The following NCOA2 variants were observed in gnomAD, a reference collection of about 807,000 sequenced individuals.
The protein encoded by NCOA2 is class E basic helix-loop-helix protein 75.
NCOA2 carries 21 observed loss-of-function variants against 145.1 expected under a neutral mutation model. That is an observed-to-expected ratio of 0.14 (90% confidence interval 0.10 to 0.21). The LOEUF is 0.21. Ranked by LOEUF, NCOA2 falls within the 10% of genes least tolerant of loss-of-function variation. NCOA2 has a pLI of 1.00. For missense variants in NCOA2, 1,472 were observed against 1,837.6 expected (o/e 0.80, Z 3.64); for synonymous variants, 619 against 637.5 (o/e 0.97, Z 0.44).
At chr8:70,409,985 G>A in the NCOA2 span, among the ~76,000 whole-genome samples, 37 of 152,118 alleles carry the variant, frequency 2.4e-4, no homozygotes, top group African/African-American at 7.7e-4. Context: ...CAAGACAGCC[G>A]GATCACCTGA....
intron 2 of NCOA2, among the ~76,000 whole-genome samples, chr8:70,278,601 G>A (rs754010622): frequency 4.0e-5 from 6 of 151,894 alleles, no homozygotes; most frequent in Non-Finnish European, 7.4e-5. Flanking sequence ...ACTTCCACAG[G>A]CTAAACCCGC....
chr8:70,213,816 G>A (rs1819305097), intron 4 of NCOA2, 87 bp downstream of exon 4: 1 of 1,077,870 alleles, frequency 9.3e-7, no homozygotes, highest in African/African-American at 1.6e-5. Flanking sequence ...CATAAGAAAT[G>A]GATTAAAGGG....
intron 1 of NCOA2, among the ~76,000 whole-genome samples, chr8:70,335,000 G>A (rs1329239273): frequency 6.6e-6 from 1 of 151,702 alleles, no homozygotes; most frequent in Non-Finnish European, 1.5e-5. Flanking sequence ...GTGCATGCCT[G>A]TAATCCCAGC....
intron 2 of NCOA2, among the ~76,000 whole-genome samples, chr8:70,269,768 T>C (rs568892921): frequency 2.4e-4 from 36 of 152,324 alleles, no homozygotes; most frequent in Admixed American, 4.6e-4. Flanking sequence ...TCAACCTAAA[T>C]TCATCAACAG....
intron 15 of NCOA2, 89 bp from the exon 16 acceptor site, chr8:70,132,091 T>G: frequency 7.4e-7 from 1 of 1,359,606 alleles, no homozygotes; most frequent in South Asian, 1.4e-5. Context: ...AAGTATCAAT[T>G]GACTTCCAGG....
At chr8:70,164,779 T>A (rs1813427883) in intron 7 of NCOA2, among the ~76,000 whole-genome samples, 1 of 151,786 alleles carries the variant, frequency 6.6e-6, no homozygotes, top group Non-Finnish European at 1.5e-5. Flanking sequence ...GCAATTATAG[T>A]CCTCAAGAAA....
intron 2 of NCOA2, among the ~76,000 whole-genome samples, chr8:70,226,703 T>C (rs564377632): frequency 2.7e-5 from 4 of 150,484 alleles, no homozygotes; most frequent in South Asian, 4.2e-4. Flanking sequence ...AAACTTAGGG[T>C]AAACTTATAT....
intron 1 of NCOA2, among the ~76,000 whole-genome samples, chr8:70,375,164 T>C (rs1269673903): frequency 6.6e-6 from 1 of 152,212 alleles, no homozygotes; most frequent in African/African-American, 2.4e-5. Flanking sequence ...TGTTTGGTTG[T>C]TTTATTATAA....
At chr8:70,330,387 T>C (rs1028918963) in intron 1 of NCOA2, among the ~76,000 whole-genome samples, 1 of 151,684 alleles carries the variant, frequency 6.6e-6, no homozygotes, top group Non-Finnish European at 1.5e-5. Context: ...CCAGGCAACA[T>C]AGAGAGGCTC....
intron 2 of NCOA2, among the ~76,000 whole-genome samples, chr8:70,226,365 A>G (rs1287672904): frequency 6.6e-6 from 1 of 152,044 alleles, no homozygotes; most frequent in East Asian, 1.9e-4. Flanking sequence ...TAGGCAAACC[A>G]AACGGAATTT....
rs991010297 is a variant in NCOA2, at chr8:70,128,900, C to A, written c.3405G>T (p.Gln1135His). 1 of 1,613,658 alleles carries A rather than the reference C, an allele frequency of 6.2e-7. No homozygotes were observed. Among genetic ancestry groups the A allele is most frequent in the Admixed American group, 1.7e-5 (1 of 59,980 alleles). The stretch of plus-strand genomic sequence containing the variant: ...CCATTTGTGCCTGAGATGCATACTG[C>A]TGTGGGAAAACGGGCGCCTTCTGCT... Reference protein sequence around the residue: ...MLEQKAPVFPQQYASQAQMAQ... With the variant: ...MLEQKAPVFPHQYASQAQMAQ... Residue 1135 changes from glutamine (Q) to histidine (H), a missense_variant, in exon 17 of 23, where the codon CAG becomes CAT. Coordinates refer to ENST00000452400, the MANE Select transcript of NCOA2 (RefSeq NM_006540.4).
intron 18 of NCOA2, among the ~76,000 whole-genome samples, chr8:70,127,543 C>T (rs998605): frequency 7.9e-5 from 12 of 152,040 alleles, no homozygotes; most frequent in African/African-American, 1.2e-4. Flanking sequence ...GCACAGAGAC[C>T]GAGTCAGAGG....
chr8:70,319,913 T>C (rs925440202), intron 1 of NCOA2, among the ~76,000 whole-genome samples: 1 of 152,168 alleles, frequency 6.6e-6, no homozygotes. Context: ...CAAGTTTAAG[T>C]TATTGGTTTC....
chr8:70,161,667 TG>T (rs1453168855), intron 9 of NCOA2, among the ~76,000 whole-genome samples: 1 of 152,184 alleles, frequency 6.6e-6, no homozygotes, highest in Non-Finnish European at 1.5e-5. Flanking sequence ...GATGACAAAC[TG>T]AAACTCCATT....
At chr8:70,283,190 A>G (rs536658377) in intron 2 of NCOA2, among the ~76,000 whole-genome samples, 1 of 152,366 alleles carries the variant, frequency 6.6e-6, no homozygotes, top group South Asian at 2.1e-4. Context: ...GGCTTCCAAC[A>G]GATATTCTAG....
chr8:70,283,171 T>C (rs1826006831), intron 2 of NCOA2, among the ~76,000 whole-genome samples: 1 of 152,202 alleles, frequency 6.6e-6, no homozygotes, highest in South Asian at 2.1e-4. Flanking sequence ...ATCCACGAAA[T>C]TGAAGAGAGG....
intron 1 of NCOA2, 124 bp downstream of exon 1, chr8:70,403,576 G>T: frequency 3.2e-6 from 1 of 312,694 alleles, no homozygotes; most frequent in Non-Finnish European, 5.9e-6. Flanking sequence ...CCTCTCGGAG[G>T]CGCACGGCTC....
chr8:70,126,894 G>A lies in NCOA2; in HGVS notation c.3835C>T (p.Pro1279Ser). ...CTCATAGTTGCTGGCATACCACTAG[G>A]AGCCACCATGCTTGGTGTCATATTC... Reference protein sequence around the residue: ...GLNMTPSMVAPSGMPATMSNP... With the variant: ...GLNMTPSMVASSGMPATMSNP... The change falls in exon 19 of 23, where the codon CCT becomes TCT. Residue 1279 changes from proline (P) to serine (S), a missense_variant. By Grantham distance (74) the Pro-to-Ser change is moderately conservative (BLOSUM62 -1). This residue lies in a region of NCOA2 where 232 missense variants were observed against 290.6 expected (regional missense o/e 0.80). Coordinates refer to ENST00000452400, the MANE Select transcript of NCOA2 (RefSeq NM_006540.4). 1 of 1,613,960 alleles carries A rather than the reference G, an allele frequency of 6.2e-7. No homozygotes were observed. Among genetic ancestry groups the A allele is most frequent in the South Asian group, 1.1e-5 (1 of 91,072 alleles).
intron 22 of NCOA2, among the ~76,000 whole-genome samples, chr8:70,118,474 C>T (rs1285307483): frequency 6.6e-6 from 1 of 152,090 alleles, no homozygotes; most frequent in Non-Finnish European, 1.5e-5. Flanking sequence ...TACAGGACTC[C>T]CACCAACAGC....
Sources: gnomAD v4.1 joint callset for allele counts (sites outside exome capture counted in the v4.1 genomes callset) on GRCh38, gnomAD v4.1.1 for gene constraint, gnomAD v4.1.1 regional missense constraint, MANE v1.5 for transcripts, NCBI Gene and HGNC (gene_info 2026-07-23, HGNC 2026-07-21) for gene names.